Variants in CNTN1 observed in about 807,000 individuals in gnomAD.
The protein encoded by CNTN1 is contactin-1.
In CNTN1, 38 loss-of-function variants were observed where a neutral mutation model predicts 126.4. The observed-to-expected ratio is 0.30, with a 90% CI of 0.23 to 0.39. The LOEUF (loss-of-function observed/expected upper bound fraction) is 0.39, where lower values mean the gene tolerates loss of function less well. CNTN1 is among the 10% of genes least tolerant of loss of function. The probability of loss-of-function intolerance (pLI) is 1.00; values close to 1 mark genes in which losing one functional copy is unlikely to be tolerated. For synonymous variants in CNTN1, 413 were observed against 422.6 expected (o/e 0.98, Z 0.28); for missense variants, 1,009 against 1,248.4 (o/e 0.81, Z 2.89).
At chr12:40,980,617 C>T (rs923987556) in intron 15 of CNTN1, among the ~76,000 whole-genome samples, 3 of 152,024 alleles carry the variant, frequency 2.0e-5, no homozygotes, top group South Asian at 2.1e-4. Flanking sequence ...CTGTTAGGTC[C>T]CCTTGGTGCC....
chr12:40,948,980 G>A (rs946416109), intron 14 of CNTN1, among the ~76,000 whole-genome samples: 3 of 152,130 alleles, frequency 2.0e-5, no homozygotes, highest in African/African-American at 4.8e-5. Flanking sequence ...TTTTTTCTGA[G>A]TGCATAAGCA....
intron 20 of CNTN1, 54 bp downstream of exon 20, chr12:41,020,494 AC>A: frequency 1.8e-6 from 2 of 1,140,090 alleles, no homozygotes; most frequent in South Asian, 1.3e-5. Context: ...ATATAAGCAT[AC>A]GTTTTCAAAT....
chr12:40,753,107 AG>A (rs1416474785), intron 1 of CNTN1, among the ~76,000 whole-genome samples: 1 of 152,114 alleles, frequency 6.6e-6, no homozygotes, highest in Non-Finnish European at 1.5e-5. Flanking sequence ...TTTACCTTGC[AG>A]GGGCCTGCAA....
chr12:40,778,090 C>A (rs1939656612), intron 1 of CNTN1, among the ~76,000 whole-genome samples: 1 of 151,700 alleles, frequency 6.6e-6, no homozygotes, highest in Non-Finnish European at 1.5e-5. Flanking sequence ...TTCAAAAGAA[C>A]CAGAGGAACA....
chr12:40,815,639 A>T (rs756979393), intron 1 of CNTN1, among the ~76,000 whole-genome samples: 1 of 151,984 alleles, frequency 6.6e-6, no homozygotes, highest in African/African-American at 2.4e-5. Flanking sequence ...GACACCCCTT[A>T]TTTCTTTCTG....
At chr12:40,868,704 T>A (rs1009607756) in intron 1 of CNTN1, among the ~76,000 whole-genome samples, 6 of 152,086 alleles carry the variant, frequency 3.9e-5, no homozygotes, top group Non-Finnish European at 7.4e-5. Context: ...TGGCTGATTG[T>A]ACTGCATCCC....
At chr12:41,011,040 G>C (rs570907001) in intron 17 of CNTN1, among the ~76,000 whole-genome samples, 1 of 152,242 alleles carries the variant, frequency 6.6e-6, no homozygotes, top group Non-Finnish European at 1.5e-5. Context: ...TTAGGATTTG[G>C]CTTAAGAGCA....
chr12:40,769,578 G>A (rs895932093), intron 1 of CNTN1, among the ~76,000 whole-genome samples: 1 of 152,132 alleles, frequency 6.6e-6, no homozygotes, highest in East Asian at 1.9e-4. Flanking sequence ...GAAACAACCA[G>A]CAATGTGAGG....
chr12:40,840,322 C>T (rs1412028736), intron 1 of CNTN1, among the ~76,000 whole-genome samples: 1 of 151,916 alleles, frequency 6.6e-6, no homozygotes, highest in Non-Finnish European at 1.5e-5. Flanking sequence ...ATGTACTCAA[C>T]ACTGGAGTAC....
intron 1 of CNTN1, among the ~76,000 whole-genome samples, chr12:40,796,171 A>T (rs1940418578): frequency 6.6e-6 from 1 of 152,116 alleles, no homozygotes; most frequent in Admixed American, 6.6e-5. Context: ...GTTTCTAAGC[A>T]CAGGAGGCTT....
chr12:40,886,747 A>G (rs1944047512), intron 1 of CNTN1, among the ~76,000 whole-genome samples: 1 of 152,166 alleles, frequency 6.6e-6, no homozygotes, highest in Non-Finnish European at 1.5e-5. Context: ...TTTTTGTATA[A>G]GGTGTAAGGA....
At chr12:40,859,637 C>T (rs901671262) in intron 1 of CNTN1, among the ~76,000 whole-genome samples, 33 of 152,020 alleles carry the variant, frequency 2.2e-4, no homozygotes, top group African/African-American at 7.7e-4. Context: ...ATCATATTGA[C>T]AGCTTCCACC....
chr12:40,993,025 T>C (rs1948129788), intron 16 of CNTN1, 95 bp from the exon 17 acceptor site: 2 of 1,149,462 alleles, frequency 1.7e-6, no homozygotes, highest in Non-Finnish European at 2.6e-6. Flanking sequence ...GTGTAATATA[T>C]ACCATTCTCC....
At chr12:40,826,114 C>T (rs1941606930) in intron 1 of CNTN1, among the ~76,000 whole-genome samples, 1 of 152,074 alleles carries the variant, frequency 6.6e-6, no homozygotes, top group Non-Finnish European at 1.5e-5. Context: ...ATTTCTAATT[C>T]TTACATTTGT....
At chr12:40,909,861 C>T (rs1441066544) in intron 2 of CNTN1, among the ~76,000 whole-genome samples, 6 of 151,612 alleles carry the variant, frequency 4.0e-5, no homozygotes, top group Non-Finnish European at 5.9e-5. Flanking sequence ...AAAATTCATA[C>T]GAATTCTATT....
intron 1 of CNTN1, among the ~76,000 whole-genome samples, chr12:40,724,975 A>T (rs569383310): frequency 2.6e-5 from 4 of 152,364 alleles, no homozygotes; most frequent in Non-Finnish European, 5.9e-5. Flanking sequence ...TCAGAAAAAT[A>T]TAAAGAGACC....
intron 18 of CNTN1, 88 bp from the exon 19 acceptor site, chr12:41,016,594 C>T (rs1417708785): frequency 1.3e-5 from 11 of 821,466 alleles, no homozygotes; most frequent in Admixed American, 1.9e-5. Context: ...ACAAAGAGCA[C>T]GCCTCCGTGT....
intron 1 of CNTN1, among the ~76,000 whole-genome samples, chr12:40,853,139 C>T (rs1294783045): frequency 3.3e-5 from 5 of 151,938 alleles, no homozygotes. Context: ...CTGACTTTTT[C>T]TGTCTTTGCC....
intron 16 of CNTN1, among the ~76,000 whole-genome samples, chr12:40,991,556 A>G (rs1482375367): frequency 4.6e-5 from 7 of 152,202 alleles, no homozygotes; most frequent in African/African-American, 1.4e-4. Flanking sequence ...TTGGCCGGGT[A>G]TGGTGGCTCA....
Sources: allele counts gnomAD v4.1 joint callset (sites outside exome capture counted in the v4.1 genomes callset), GRCh38; gene constraint gnomAD v4.1.1; transcripts MANE v1.5; gene names NCBI Gene and HGNC (gene_info 2026-07-23, HGNC 2026-07-21).